TAFA5: variants seen among roughly 807,000 people sequenced by gnomAD.
TAFA5 encodes the protein TAFA chemokine like family member 5, also known as chemokine-like protein TAFA-5.
In TAFA5, 6 loss-of-function variants were observed where a neutral mutation model predicts 15.3. The ratio of observed to expected loss-of-function variants is 0.39; its 90% CI spans 0.21 to 0.77. The LOEUF (loss-of-function observed/expected upper bound fraction) is 0.77. Ranked by LOEUF, TAFA5 falls within the 30% of genes least tolerant of loss-of-function variation. The pLI, the probability that TAFA5 is intolerant of heterozygous loss-of-function variation, is 0.41. For missense variants in TAFA5, 161 were observed against 193.1 expected, an observed-to-expected ratio of 0.83 and a Z score of 0.98; for synonymous variants, 103 against 80.7, an observed-to-expected ratio of 1.28 and a Z score of -1.48.
chr22:48,565,126 G>T (rs760624950), intron 1 of TAFA5, among the ~76,000 whole-genome samples: 1 of 152,224 alleles, frequency 6.6e-6, no homozygotes, highest in Non-Finnish European at 1.5e-5. Context: ...CATGGTCACG[G>T]CAGGCGGGAG....
At chr22:48,600,877 C>T (rs548548708) in intron 1 of TAFA5, among the ~76,000 whole-genome samples, 203 of 152,258 alleles carry the variant, frequency 1.3e-3, no homozygotes, top group Admixed American at 4.4e-3. Flanking sequence ...CGCGGCGAGG[C>T]TTGCGGGGCT....
intron 1 of TAFA5, among the ~76,000 whole-genome samples, chr22:48,611,181 C>G (rs113528635): frequency 6.6e-6 from 1 of 152,170 alleles, no homozygotes; most frequent in Non-Finnish European, 1.5e-5. Context: ...GCGATCCGCC[C>G]GCCTTGGCCT....
chr22:48,662,663 G>A (rs560679421), intron 2 of TAFA5, among the ~76,000 whole-genome samples: 2 of 152,336 alleles, frequency 1.3e-5, no homozygotes, highest in South Asian at 2.1e-4. Flanking sequence ...CACCGGAGCA[G>A]GTGTCCAGCA....
intron 2 of TAFA5, among the ~76,000 whole-genome samples, chr22:48,675,468 G>A (rs78577175): frequency 0.032 from 4,878 of 152,342 alleles, 257 homozygotes; most frequent in African/African-American, 0.11. Flanking sequence ...ACACCCACTT[G>A]TGGGATCCTG....
chr22:48,668,705 T>C (rs190109633), intron 2 of TAFA5, among the ~76,000 whole-genome samples: 5 of 59,248 alleles, frequency 8.4e-5, no homozygotes, highest in African/African-American at 1.3e-4. Context: ...GGGGCCGCGT[T>C]TTCACTGGAA....
intron 1 of TAFA5, among the ~76,000 whole-genome samples, chr22:48,631,137 C>T (rs1926211229): frequency 1.3e-5 from 2 of 152,202 alleles, no homozygotes; most frequent in African/African-American, 4.8e-5. Flanking sequence ...CCACTCGGGA[C>T]GGTCAGGGGA....
chr22:48,537,739 A>G (rs1922219359), intron 1 of TAFA5, among the ~76,000 whole-genome samples: 1 of 152,048 alleles, frequency 6.6e-6, no homozygotes, highest in Non-Finnish European at 1.5e-5. Flanking sequence ...CCCCTGTCAG[A>G]GCGCCCAGCC....
At chr22:48,642,805 G>T (rs540473828) in intron 1 of TAFA5, among the ~76,000 whole-genome samples, 2 of 152,194 alleles carry the variant, frequency 1.3e-5, no homozygotes, top group Admixed American at 1.3e-4. Context: ...TGTTTGGTCT[G>T]TGTGTGCACG....
At chr22:48,546,481 AC>A (rs1922673680) in intron 1 of TAFA5, 1 of 469,362 alleles carries the variant, frequency 2.1e-6, no homozygotes, top group Non-Finnish European at 4.4e-6. Context: ...CCTTTCTCAA[AC>A]GGGGTGTGTG....
chr22:48,522,009 C>T (rs1318810763), intron 1 of TAFA5, among the ~76,000 whole-genome samples: 4 of 152,224 alleles, frequency 2.6e-5, no homozygotes, highest in Admixed American at 6.5e-5. Flanking sequence ...GGATGGGGAG[C>T]GCATGGTTAC....
intron 1 of TAFA5, among the ~76,000 whole-genome samples, chr22:48,603,622 G>A (rs1015722616): frequency 6.6e-6 from 1 of 152,202 alleles, no homozygotes; most frequent in African/African-American, 2.4e-5. Flanking sequence ...GCACTGCCCT[G>A]GCCCTGCGCT....
Position 48,749,816 on chromosome 22 carries a change from C to T in TAFA5, c.391-23C>T, listed in dbSNP as rs773212954. ...GGGCAGCGTCTGCAGGAGGCTCACC[C>T]TCTCTCTCTCTTTGCTCCTCAGGTC... is the stretch of plus-strand genomic sequence containing the variant. On this transcript the variant is annotated intron_variant, in intron 3 of 3. Transcript: ENST00000402357. 1.0e-5 allele frequency: 15 copies of T among 1,502,922 alleles called. No individual in the cohort carries two copies. In the African/African-American group the frequency reaches 1.9e-4, roughly 19 times the overall value. The allele number at this position is 1,502,922 out of a possible 1,614,324, so 93.1% of individuals were successfully genotyped here. A position where few individuals can be genotyped will look rare whatever the true frequency, so the allele number is the denominator to read the frequency against.
chr22:48,724,114 G>A (rs6010491), intron 3 of TAFA5, among the ~76,000 whole-genome samples: 13,609 of 151,818 alleles, frequency 0.09, 735 homozygotes, highest in African/African-American at 0.14. Context: ...CAGGGTTCTC[G>A]TTGCATTGCT....
At chr22:48,648,696 G>A (rs1926950897) in intron 2 of TAFA5, among the ~76,000 whole-genome samples, 2 of 152,138 alleles carry the variant, frequency 1.3e-5, no homozygotes. Flanking sequence ...AAATTACCCG[G>A]GCGTGGTGGT....
At chr22:48,630,154 GGC>G (rs927639316) in intron 1 of TAFA5, among the ~76,000 whole-genome samples, 152 of 151,744 alleles carry the variant, frequency 1.0e-3, no homozygotes, top group African/African-American at 3.5e-3. Context: ...GCAGAACGGG[GGC>G]GGGGGATGAG....
chr22:48,662,346 C>T (rs9617488), intron 2 of TAFA5, among the ~76,000 whole-genome samples: 43,360 of 151,788 alleles, frequency 0.29, 6,693 homozygotes, highest in African/African-American at 0.41. Context: ...AGGAAGGTGA[C>T]GGATCACTCT....
chr22:48,649,749 C>T (rs1413573013), intron 2 of TAFA5, among the ~76,000 whole-genome samples: 1 of 152,130 alleles, frequency 6.6e-6, no homozygotes, highest in Non-Finnish European at 1.5e-5. Context: ...TTCTCGGGGA[C>T]ACTGATGCGT....
chr22:48,660,969 C>T (rs1420255792), intron 2 of TAFA5, among the ~76,000 whole-genome samples: 1 of 152,112 alleles, frequency 6.6e-6, no homozygotes, highest in East Asian at 1.9e-4. Flanking sequence ...TCGGGGGAAA[C>T]TCTGACGCAG....
Position 48,601,153 on chromosome 22 carries a change from G to A in TAFA5, c.113-45444G>A, listed in dbSNP as rs186115357. On this transcript the variant is annotated intron_variant, in intron 1 of 3. Transcript: ENST00000402357. ...TTATTGCTGTTAATTTACACACTTT[G>A]TCATAGGTTTGTATGTAGAGGACAA... 7.9e-5 allele frequency among the ~76,000 whole-genome samples: 12 copies of A among 152,288 alleles called. No individual in the cohort carries two copies. In the East Asian group the frequency reaches 2.1e-3, roughly 27 times the overall value.
Sources: gnomAD v4.1 joint callset for allele counts (sites outside exome capture counted in the v4.1 genomes callset) on GRCh38, gnomAD v4.1.1 for gene constraint, MANE v1.5 for transcripts, NCBI Gene and HGNC (gene_info 2026-07-23, HGNC 2026-07-21) for gene names.